TEX9: variants seen among roughly 807,000 people sequenced by gnomAD.
TEX9 encodes the protein testis-expressed protein 9.
A neutral mutation model predicts 59.6 loss-of-function variants in TEX9; 74 were observed. The observed-to-expected ratio is 1.24, with a 90% CI of 1.03 to 1.51. The LOEUF (loss-of-function observed/expected upper bound fraction) is 1.51. Among genes scored for constraint, TEX9 ranks in the 40% most tolerant of loss-of-function variants. The probability of loss-of-function intolerance (pLI) is 0.00; values close to 1 mark genes in which losing one functional copy is unlikely to be tolerated. For missense variants in TEX9, 522 were observed against 447.8 expected, an observed-to-expected ratio of 1.17 and a Z score of -1.49; for synonymous variants, 186 against 152.2, an observed-to-expected ratio of 1.22 and a Z score of -1.64.
At chr15:56,429,299 G>A in intron 12 of TEX9, 1 of 700,236 alleles carries the variant, frequency 1.4e-6, no homozygotes, top group South Asian at 1.8e-5. Context: ...CCAAGGTAAT[G>A]AAATCTATTC....
At chr15:56,434,570 A>G (rs2050686387) in intron 12 of TEX9, among the ~76,000 whole-genome samples, 2 of 152,142 alleles carry the variant, frequency 1.3e-5, no homozygotes, top group African/African-American at 4.8e-5. Context: ...TGGATAAAGA[A>G]TATGCTTACA....
chr15:56,300,735 G>A (rs1402585568), intron 1 of TEX9, among the ~76,000 whole-genome samples: 1 of 149,860 alleles, frequency 6.7e-6, no homozygotes, highest in Non-Finnish European at 1.5e-5. Context: ...GAGAGAGAGA[G>A]AGAGAGAGAG....
At chr15:56,350,998 C>T (rs1179018473) in intron 1 of TEX9, among the ~76,000 whole-genome samples, 1 of 152,136 alleles carries the variant, frequency 6.6e-6, no homozygotes, top group East Asian at 1.9e-4. Context: ...CACTGAGAGT[C>T]ACTGTTTCAA....
intron 9 of TEX9, among the ~76,000 whole-genome samples, chr15:56,404,395 A>G (rs1181128932): frequency 6.6e-6 from 1 of 152,228 alleles, no homozygotes. Flanking sequence ...GCTCATCATC[A>G]CTGGTCATTA....
At chr15:56,251,780 G>C (rs2044025374) in intron 1 of TEX9, among the ~76,000 whole-genome samples, 1 of 152,122 alleles carries the variant, frequency 6.6e-6, no homozygotes, top group Non-Finnish European at 1.5e-5. Flanking sequence ...ACCAGAGAAA[G>C]CAGGTGCAAA....
At chr15:56,334,953 A>G (rs1195189354) in intron 1 of TEX9, among the ~76,000 whole-genome samples, 1 of 152,210 alleles carries the variant, frequency 6.6e-6, no homozygotes, top group Admixed American at 6.5e-5. Flanking sequence ...ATAATGAGAT[A>G]TCATCTGACA....
chr15:56,442,842 A>T (rs536555108), intron 12 of TEX9, among the ~76,000 whole-genome samples: 2 of 152,078 alleles, frequency 1.3e-5, no homozygotes, highest in African/African-American at 4.8e-5. Context: ...ATGACCCACA[A>T]ATTTACCCCT....
intron 1 of TEX9, among the ~76,000 whole-genome samples, chr15:56,320,736 A>G (rs1470393859): frequency 6.6e-6 from 1 of 152,186 alleles, no homozygotes; most frequent in Non-Finnish European, 1.5e-5. Context: ...CAGAATGGGT[A>G]CACTTTGAGA....
chr15:56,287,449 G>A (rs1373110396), intron 1 of TEX9, among the ~76,000 whole-genome samples: 1 of 152,124 alleles, frequency 6.6e-6, no homozygotes, highest in East Asian at 1.9e-4. Flanking sequence ...GGTGTATAAT[G>A]TGATGTTTTA....
At chr15:56,392,301 G>A (rs529489575) in intron 7 of TEX9, among the ~76,000 whole-genome samples, 7 of 152,258 alleles carry the variant, frequency 4.6e-5, no homozygotes, top group East Asian at 3.9e-4. Flanking sequence ...TTCTGCTTCT[G>A]GGGAGGCCTC....
At position 56,376,811 on chromosome 15, in the gene TEX9, C is replaced by G. The variant is rs566470145; in HGVS notation, c.183+3307C>G. ...TGACTTTTGCTTGTGGTGTATTACT[C>G]AAGAAATCTTTGTCTACTCCAATGT... On this transcript the variant is annotated intron_variant, in intron 3 of 12. Transcript: ENST00000352903. 4.6e-5 allele frequency among the ~76,000 whole-genome samples: 7 copies of G among 152,180 alleles called. No individual in the cohort carries two copies. In the South Asian group the frequency reaches 1.5e-3, roughly 32 times the overall value.
intron 1 of TEX9, among the ~76,000 whole-genome samples, chr15:56,338,575 T>A (rs1407538860): frequency 6.6e-6 from 1 of 152,200 alleles, no homozygotes; most frequent in East Asian, 1.9e-4. Flanking sequence ...GAAATGGTTA[T>A]TATTTATTTT....
At chr15:56,365,743 T>C in intron 2 of TEX9, 73 bp downstream of exon 2, 1 of 1,588,226 alleles carries the variant, frequency 6.3e-7, no homozygotes, top group Non-Finnish European at 8.6e-7. Flanking sequence ...TACTTTTTTC[T>C]GGAGACTGGC....
intron 1 of TEX9, among the ~76,000 whole-genome samples, chr15:56,309,969 T>C (rs1431600108): frequency 6.6e-6 from 1 of 152,054 alleles, no homozygotes; most frequent in Non-Finnish European, 1.5e-5. Flanking sequence ...AACTGGCATT[T>C]ATCAAACTTA....
At chr15:56,258,599 G>T (rs1246169963) in intron 1 of TEX9, among the ~76,000 whole-genome samples, 1 of 151,858 alleles carries the variant, frequency 6.6e-6, no homozygotes, top group Admixed American at 6.6e-5. Flanking sequence ...CCTGTTTTTG[G>T]TGTTTAGGAA....
At chr15:56,437,069 T>C (rs1037061602) in intron 12 of TEX9, among the ~76,000 whole-genome samples, 7 of 152,004 alleles carry the variant, frequency 4.6e-5, no homozygotes, top group South Asian at 2.1e-4. Flanking sequence ...TTCCAATCAA[T>C]AGAAAAAGAG....
At chr15:56,409,896 C>T (rs947392215) in intron 9 of TEX9, 1 of 152,126 alleles carries the variant, frequency 6.6e-6, no homozygotes, top group African/African-American at 2.4e-5. Context: ...TTGTTCTGTC[C>T]CTTTACCCTT....
intron 1 of TEX9, among the ~76,000 whole-genome samples, chr15:56,280,226 A>G (rs2044782244): frequency 1.3e-5 from 2 of 152,190 alleles, no homozygotes; most frequent in South Asian, 4.1e-4. Flanking sequence ...AGGAACATCT[A>G]TATAAATATT....
intron 1 of TEX9, among the ~76,000 whole-genome samples, chr15:56,265,670 A>G (rs2044362940): frequency 6.6e-6 from 1 of 152,150 alleles, no homozygotes; most frequent in Non-Finnish European, 1.5e-5. Context: ...GATTTTTTTC[A>G]GAAATCTTTA....
Sources: allele counts gnomAD v4.1 joint callset (sites outside exome capture counted in the v4.1 genomes callset), GRCh38; gene constraint gnomAD v4.1.1; transcripts MANE v1.5; gene names NCBI Gene and HGNC (gene_info 2026-07-23, HGNC 2026-07-21).